Variants in MGAT5 observed in about 807,000 individuals in gnomAD.
MGAT5 encodes the protein alpha-1,6-mannosylglycoprotein 6-beta-N-acetylglucosaminyltransferase A.
Under a neutral mutation model 94.3 loss-of-function variants are expected in MGAT5, and 30 were observed. The observed-to-expected ratio is 0.32, with a 90% CI of 0.24 to 0.43. The LOEUF (loss-of-function observed/expected upper bound fraction) is 0.43. Among genes scored for constraint, MGAT5 ranks in the 20% least tolerant of loss-of-function variants. The probability of loss-of-function intolerance (pLI) is 1.00; values close to 1 mark genes in which losing one functional copy is unlikely to be tolerated. For synonymous variants in MGAT5, 310 were observed against 322.9 expected (o/e 0.96, Z 0.43); for missense variants, 691 against 905.5 (o/e 0.76, Z 3.04).
intron 1 of MGAT5, among the ~76,000 whole-genome samples, chr2:134,179,950 C>G (rs1012942788): frequency 7.2e-5 from 11 of 152,188 alleles, no homozygotes; most frequent in Admixed American, 6.5e-5. Context: ...AAAGGGACCT[C>G]TGGTCATCCT....
Position 134,349,410 on chromosome 2 carries a change from T to G in MGAT5, c.1113-395T>G, listed in dbSNP as rs538061236. ...TGCTTTAAGCAGAATAAGACCTCTA[T>G]AGATGGTAGCTCTGTTTCTTTGGCA... On this transcript the variant is annotated intron_variant, in intron 8 of 15. Transcript: ENST00000281923. Among the ~76,000 whole-genome samples the G allele has an allele frequency of 9.1e-4, 138 of 152,306 alleles. 1 individual carries two copies. Among genetic ancestry groups the G allele is most frequent in the Admixed American group, 7.7e-3 (118 of 15,286 alleles).
intron 9 of MGAT5, among the ~76,000 whole-genome samples, chr2:134,351,749 C>G (rs1032691030): frequency 6.6e-6 from 1 of 152,014 alleles, no homozygotes; most frequent in Admixed American, 6.6e-5. Flanking sequence ...AAAAGAAGAA[C>G]CTGTATGGCA....
chr2:134,327,933 G>T (rs975025113), intron 4 of MGAT5, among the ~76,000 whole-genome samples: 1 of 152,076 alleles, frequency 6.6e-6, no homozygotes. Flanking sequence ...AGTGACTTTA[G>T]TTGTCAAAAT....
At chr2:134,325,957 C>A (rs1161863156) in intron 4 of MGAT5, among the ~76,000 whole-genome samples, 1 of 151,658 alleles carries the variant, frequency 6.6e-6, no homozygotes, top group Non-Finnish European at 1.5e-5. Flanking sequence ...AGAATAGTGC[C>A]TAATATTGTT....
rs1684272311 is a variant in MGAT5, at chr2:134,421,262, A to G, written c.1678-1541A>G. On this transcript the variant is annotated intron_variant, in intron 12 of 15. Coordinates refer to ENST00000281923, the MANE Select transcript of MGAT5 (RefSeq NM_002410.5). ...ATTTACATGGTGATTATGTCTCTGG[A>G]TAATTCAATGTATGTTTGAACTGTC... 3.3e-5 allele frequency among the ~76,000 whole-genome samples: 5 copies of G among 152,322 alleles called. No individual in the cohort carries two copies. In the South Asian group the frequency reaches 1.0e-3, roughly 32 times the overall value.
intron 1 of MGAT5, among the ~76,000 whole-genome samples, chr2:134,156,166 CTGCACAGGCCGCCGGTCTGTGCAT>C (rs1687469718): frequency 6.6e-6 from 1 of 152,216 alleles, no homozygotes; most frequent in Admixed American, 6.5e-5. Context: ...TTGTGCGCTT[CTGCACAGGCCGCCGGTCTGTGCAT>C]GAGATCTTGT....
At chr2:134,436,509 G>A (rs1387760813) in intron 14 of MGAT5, among the ~76,000 whole-genome samples, 3 of 152,310 alleles carry the variant, frequency 2.0e-5, no homozygotes, top group African/African-American at 7.2e-5. Flanking sequence ...CTTGAGAGGG[G>A]AGGCTGCTGT....
At chr2:134,219,069 A>G (rs1456028096) in intron 1 of MGAT5, among the ~76,000 whole-genome samples, 2 of 152,142 alleles carry the variant, frequency 1.3e-5, no homozygotes, top group Non-Finnish European at 2.9e-5. Flanking sequence ...GTGGCCAGTA[A>G]TTAGAGAATT....
In MGAT5 at chr2:134,270,467, T is replaced by C. The variant is rs1477216183; in HGVS notation, c.323T>C (p.Val108Ala). ...TTGGAGTCGAAGGTGGACAATCTTG[T>C]TGTCAATGGCACCGGAACAAACTCA... Reference protein sequence around the residue: ...GKLESKVDNLVVNGTGTNSTN... With the variant: ...GKLESKVDNLAVNGTGTNSTN... The change falls in exon 2 of 16, where the codon GTT becomes GCT. Residue 108 changes from valine (V) to alanine (A), a missense_variant. Val to Ala is a moderately conservative substitution (Grantham distance 64). Coordinates refer to ENST00000281923, the MANE Select transcript of MGAT5 (RefSeq NM_002410.5). The C allele has an allele frequency of 6.2e-7, 1 of 1,614,088 alleles. No individual in the cohort carries two copies. The highest frequency in any genetic ancestry group is 1.3e-5 in the African/African-American group (1 of 74,936).
chr2:134,141,888 A>G (rs1193152729), intron 1 of MGAT5, among the ~76,000 whole-genome samples: 1 of 152,174 alleles, frequency 6.6e-6, no homozygotes, highest in Non-Finnish European at 1.5e-5. Context: ...TGCTCCTGAG[A>G]GCAGTGGAGA....
chr2:134,345,137 G>T, intron 8 of MGAT5, 73 bp downstream of exon 8: 1 of 1,482,574 alleles, frequency 6.7e-7, no homozygotes, highest in Non-Finnish European at 9.2e-7. Flanking sequence ...GTTGTGGGTA[G>T]AAAAAGCTTA....
chr2:134,148,363 A>G (rs905170832), intron 1 of MGAT5, among the ~76,000 whole-genome samples: 1 of 152,228 alleles, frequency 6.6e-6, no homozygotes, highest in Non-Finnish European at 1.5e-5. Context: ...TTAACTGCAG[A>G]TCTCAGGATT....
rs753657630 is a variant in MGAT5, at chr2:134,338,369, A to C, written c.756A>C (p.Ala252=). The change falls in exon 6 of 16, where the codon GCA becomes GCC. Residue 252 remains alanine (A), a synonymous_variant. Coordinates refer to ENST00000281923, the MANE Select transcript of MGAT5 (RefSeq NM_002410.5). ...GAATGGCTGACGCATGGATCCAAGCAATCAAGTCCCTGGCAGAAAAGCAGA... is the reference window on the plus strand; with the variant it reads ...GAATGGCTGACGCATGGATCCAAGCCATCAAGTCCCTGGCAGAAAAGCAGA... The part of the protein sequence containing the change: ...IRRMADAWIQ[A]IKSLAEKQNL... 6.2e-7 allele frequency: 1 copy of C among 1,612,488 alleles called. No individual in the cohort carries two copies. The highest frequency in any genetic ancestry group is 8.5e-7 in the Non-Finnish European group (1 of 1,179,290).
intron 10 of MGAT5, among the ~76,000 whole-genome samples, chr2:134,395,422 G>A (rs972341485): frequency 6.6e-6 from 1 of 152,220 alleles, no homozygotes; most frequent in African/African-American, 2.4e-5. Context: ...ACTGAGAGAT[G>A]TAGAGTGGGC....
chr2:134,168,879 C>T (rs906856593), intron 1 of MGAT5, among the ~76,000 whole-genome samples: 1 of 152,160 alleles, frequency 6.6e-6, no homozygotes, highest in African/African-American at 2.4e-5. Context: ...GGAGAGACGT[C>T]GTCCATAGGG....
intron 2 of MGAT5, among the ~76,000 whole-genome samples, chr2:134,293,323 C>T (rs995153180): frequency 6.6e-6 from 1 of 152,114 alleles, no homozygotes; most frequent in South Asian, 2.1e-4. Flanking sequence ...TTTTAGTATA[C>T]GTATGCGAGG....
intron 1 of MGAT5, among the ~76,000 whole-genome samples, chr2:134,221,635 T>G (rs1338604729): frequency 6.6e-6 from 1 of 152,224 alleles, no homozygotes. Flanking sequence ...CAGGACGATT[T>G]CAAGGTATGG....
chr2:134,163,497 T>C (rs1687827951), intron 1 of MGAT5, among the ~76,000 whole-genome samples: 1 of 152,136 alleles, frequency 6.6e-6, no homozygotes, highest in African/African-American at 2.4e-5. Context: ...CTTGTCAGAG[T>C]TAGCAATTCG....
chr2:134,207,758 A>G (rs1680085145), intron 1 of MGAT5, among the ~76,000 whole-genome samples: 1 of 152,032 alleles, frequency 6.6e-6, no homozygotes, highest in Non-Finnish European at 1.5e-5. Flanking sequence ...GATATGTATC[A>G]TTTGTGCTCT....
Sources: allele counts gnomAD v4.1 joint callset (sites outside exome capture counted in the v4.1 genomes callset), GRCh38; gene constraint gnomAD v4.1.1; transcripts MANE v1.5; gene names NCBI Gene and HGNC (gene_info 2026-07-23, HGNC 2026-07-21).